Variants in NKX6-2 observed in about 807,000 individuals in gnomAD.
NKX6-2 encodes the protein NK6 homeobox 2.
NKX6-2 carries 22 observed loss-of-function variants against 19.9 expected under a neutral mutation model. The observed-to-expected ratio is 1.10, with a 90% CI of 0.79 to 1.58. The LOEUF is 1.58. Among genes scored for constraint, NKX6-2 ranks in the 40% most tolerant of loss-of-function variants. NKX6-2 has a pLI of 0.00. For missense variants in NKX6-2, 475 were observed against 410.6 expected (o/e 1.16, Z -1.35); for synonymous variants, 257 against 204.0 (o/e 1.26, Z -2.21).
rs1304254077 is a variant in NKX6-2 at position 132,783,815 on chromosome 10, C to T, written c.*1101G>A. On this transcript the variant is annotated 3_prime_UTR_variant, in exon 3 of 3. Coordinates refer to ENST00000368592, the MANE Select transcript of NKX6-2 (RefSeq NM_177400.3). ...AGCGTTGCTTCTGCCCTTCGAGTTGCTTCCTTGTAAAGAAGGCTGCTAAGA... is the reference window on the plus strand; with the variant it reads ...AGCGTTGCTTCTGCCCTTCGAGTTGTTTCCTTGTAAAGAAGGCTGCTAAGA... 1 of 152,244 alleles carries T rather than the reference C, an allele frequency of 6.6e-6. No individual in the cohort carries two copies. The highest frequency in any genetic ancestry group is 1.5e-5 in the Non-Finnish European group (1 of 68,038). The allele number at this position is 152,244 out of a possible 1,614,324, so 9.4% of individuals were successfully genotyped here.
In NKX6-2 at chr10:132,785,761, A is replaced by G; in HGVS notation, c.188T>C (p.Ile63Thr). 1 of 1,269,518 alleles carries G rather than the reference A, an allele frequency of 7.9e-7. No homozygotes were observed. The highest frequency in any genetic ancestry group is 9.9e-7 in the Non-Finnish European group (1 of 1,009,732). The allele number at this position is 1,269,518 out of a possible 1,614,324, so 78.6% of individuals were successfully genotyped here. ...CGCCGCGCCCACGGGCCGGCCCAGG[A>G]TGTCGCTGATGCCGTGCGGGGTCCC... is the stretch of plus-strand genomic sequence containing the variant. Reference protein sequence around the residue: ...PLGTPHGISDILGRPVGAAGG... With the variant: ...PLGTPHGISDTLGRPVGAAGG... The change falls in exon 1 of 3, where the codon ATC becomes ACC. Residue 63 changes from isoleucine to threonine, a missense_variant. By Grantham distance (89) the Ile-to-Thr change is moderately conservative. Transcript: ENST00000368592. This position sits in a 1 kb window ranked among gnomAD's most constrained non-coding sequence, Gnocchi z 5.5.
rs945709522 is a variant in NKX6-2, at chr10:132,783,669, T to C, written c.*1247A>G. 1 of 152,190 alleles carries C rather than the reference T, an allele frequency of 6.6e-6. No individual in the cohort carries two copies. The highest frequency in any genetic ancestry group is 2.4e-5 in the African/African-American group (1 of 41,430). The allele number at this position is 152,190 out of a possible 1,614,324, so 9.4% of individuals were successfully genotyped here. A position where few individuals can be genotyped will look rare whatever the true frequency, so the allele number is the denominator to read the frequency against. Reference sequence around the variant, plus strand: ...GAGGAGAAACACAGCCTTTTGGACTTTCTACTGTAATAAAGGATTTATCCC... The same window carrying C: ...GAGGAGAAACACAGCCTTTTGGACTCTCTACTGTAATAAAGGATTTATCCC... On this transcript the variant is annotated 3_prime_UTR_variant, in exon 3 of 3. Transcript: ENST00000368592.
chr10:132,784,017 G>T lies in NKX6-2; in HGVS notation c.*899C>A, dbSNP rs1847214782. 2.0e-5 allele frequency: 3 copies of T among 152,260 alleles called. No homozygotes were observed. 9.4% of individuals were successfully genotyped at this position (152,260 alleles called of 1,614,324 possible). ...GCGATGGGCAGCCCCGGCCACAGAG[G>T]CTGCGGGAGGCTGGAGGGGTTTTGT... On this transcript the variant is annotated 3_prime_UTR_variant, in exon 3 of 3. Coordinates refer to ENST00000368592, the MANE Select transcript of NKX6-2 (RefSeq NM_177400.3).
Position 132,785,381 on chromosome 10 carries a change from T to C in NKX6-2, c.478A>G (p.Ile160Val), listed in dbSNP as rs775333540. The C allele has an allele frequency of 6.2e-7, 1 of 1,604,878 alleles. No individual in the cohort carries two copies. The highest frequency in any genetic ancestry group is 8.5e-7 in the Non-Finnish European group (1 of 1,177,146). Residue 160 changes from isoleucine to valine, a missense_variant, in exon 2 of 3, where the codon ATC becomes GTC. Physicochemically the swap from Ile to Val is conservative, Grantham distance 29. Coordinates refer to ENST00000368592, the MANE Select transcript of NKX6-2 (RefSeq NM_177400.3). The surrounding 1 kb of genome is among the most constrained non-coding windows in gnomAD (Gnocchi z 5.5). ...TCGAAGGTTTTCTCCAGCGCGAAGA[T>C]CTGCTGGCCCGAGAAGGTCGGGCGC... is the stretch of plus-strand genomic sequence containing the variant. ...HSRPTFSGQQ[I>V]FALEKTFEQT...
In NKX6-2 at chr10:132,785,812, C is replaced by G; in HGVS notation, c.137G>C (p.Gly46Ala). The G allele has an allele frequency of 7.2e-7, 1 of 1,379,656 alleles. No homozygotes were observed. The highest frequency in any genetic ancestry group is 9.4e-7 in the Non-Finnish European group (1 of 1,063,460). The allele number at this position is 1,379,656 out of a possible 1,614,324, so 85.5% of individuals were successfully genotyped here. Reference protein sequence around the residue: ...GPAGFKAPALGGLGAQLPLGT... With the variant: ...GPAGFKAPALAGLGAQLPLGT... The stretch of plus-strand genomic sequence containing the variant: ...GAGCGGGAGCTGCGCGCCCAGGCCC[C>G]CCAGCGCGGGCGCCTTGAAGCCGGC... Residue 46 changes from glycine to alanine, a missense_variant, in exon 1 of 3, where the codon GGG becomes GCG. Gly to Ala is a moderately conservative substitution (Grantham distance 60). Coordinates refer to ENST00000368592, the MANE Select transcript of NKX6-2 (RefSeq NM_177400.3). This position sits in a 1 kb window ranked among gnomAD's most constrained non-coding sequence, Gnocchi z 5.5.
chr10:132,784,754 C>G lies in NKX6-2; in HGVS notation c.*162G>C, dbSNP rs1458960264. 7 of 632,190 alleles carry G rather than the reference C, an allele frequency of 1.1e-5. No individual in the cohort carries two copies. Among genetic ancestry groups the G allele is most frequent in the African/African-American group, 7.6e-5 (4 of 52,560 alleles). 39.2% of individuals were successfully genotyped at this position (632,190 alleles called of 1,614,324 possible). On this transcript the variant is annotated 3_prime_UTR_variant, in exon 3 of 3. Transcript: ENST00000368592. The stretch of plus-strand genomic sequence containing the variant: ...AGCCGGGGCCGGGGAGGGGCCGCCT[C>G]GCTCCGGGTTCGAGACGGAAGAAAC...
In NKX6-2 at chr10:132,785,893, AG is replaced by A; in HGVS notation, c.55del (p.Leu19CysfsTer7). The A allele has an allele frequency of 1.4e-6, 2 of 1,386,540 alleles. No homozygotes were observed. The highest frequency in any genetic ancestry group is 1.9e-6 in the Non-Finnish European group (2 of 1,044,738). The allele number at this position is 1,386,540 out of a possible 1,614,324, so 85.9% of individuals were successfully genotyped here. A position where few individuals can be genotyped will look rare whatever the true frequency, so the allele number is the denominator to read the frequency against. On this transcript the variant is annotated frameshift_variant, in exon 1 of 3. Transcript: ENST00000368592. LOFTEE classifies it high-confidence loss of function. The surrounding 1 kb of genome is among the most constrained non-coding windows in gnomAD (Gnocchi z 5.5). ...FVLSSAPLAA[L>X]HNMAEMKTSL... ...CGTCTTCATCTCGGCCATGTTGTGC[AG>A]CGCGGCCAGCGGGGCACTGCTCAGC... is the stretch of plus-strand genomic sequence containing the variant.
In NKX6-2 at chr10:132,784,695, G is replaced by A; in HGVS notation, c.*221C>T. The A allele has an allele frequency of 1.9e-6, 1 of 520,072 alleles. No homozygotes were observed. The highest frequency in any genetic ancestry group is 3.3e-6 in the Non-Finnish European group (1 of 299,874). 32.2% of individuals were successfully genotyped at this position (520,072 alleles called of 1,614,324 possible). A position where few individuals can be genotyped will look rare whatever the true frequency, so the allele number is the denominator to read the frequency against. On this transcript the variant is annotated 3_prime_UTR_variant, in exon 3 of 3. Transcript: ENST00000368592. ...CCGGGGCCCGCAGCCTCCGCACCGG[G>A]AACCCGGAGGACCCGAGGCGGGCGC...
Position 132,784,906 on chromosome 10 carries a change from C to T in NKX6-2, c.*10G>A, listed in dbSNP as rs1194913249. On this transcript the variant is annotated 3_prime_UTR_variant, in exon 3 of 3. Coordinates refer to ENST00000368592, the MANE Select transcript of NKX6-2 (RefSeq NM_177400.3). ...CTGCAAAAATAGATTCGCCCCCACCCCGCGGGTCCTCACAAGGCGTCCCCC... is the reference window on the plus strand; with the variant it reads ...CTGCAAAAATAGATTCGCCCCCACCTCGCGGGTCCTCACAAGGCGTCCCCC... 2 of 1,609,432 alleles carry T rather than the reference C, an allele frequency of 1.2e-6. No individual in the cohort carries two copies.
rs1049311444 is a variant in NKX6-2 at position 132,784,816 on chromosome 10, G to T, written c.*100C>A. 3.4e-6 allele frequency: 3 copies of T among 880,184 alleles called. No homozygotes were observed. Among genetic ancestry groups the T allele is most frequent in the African/African-American group, 1.7e-5 (1 of 59,656 alleles). 54.5% of individuals were successfully genotyped at this position (880,184 alleles called of 1,614,324 possible). A position where few individuals can be genotyped will look rare whatever the true frequency, so the allele number is the denominator to read the frequency against. ...GCTCCGGAGCGACGGCTCCGACGGGGACCCGTTAAATAATTTATTGATGAT... is the reference window on the plus strand; with the variant it reads ...GCTCCGGAGCGACGGCTCCGACGGGTACCCGTTAAATAATTTATTGATGAT... On this transcript the variant is annotated 3_prime_UTR_variant, in exon 3 of 3. Coordinates refer to ENST00000368592, the MANE Select transcript of NKX6-2 (RefSeq NM_177400.3).
Position 132,784,599 on chromosome 10 carries a change from C to A in NKX6-2, c.*317G>T. ...CCCCGGCTCCGTCCCGGGCTCCTGG[C>A]GGCTGTCGCTGCGGTTCCTTCCCGC... On this transcript the variant is annotated 3_prime_UTR_variant, in exon 3 of 3. Coordinates refer to ENST00000368592, the MANE Select transcript of NKX6-2 (RefSeq NM_177400.3). The A allele has an allele frequency of 3.4e-6, 1 of 294,064 alleles. No individual in the cohort carries two copies. 18.2% of individuals were successfully genotyped at this position (294,064 alleles called of 1,614,324 possible). A position where few individuals can be genotyped will look rare whatever the true frequency, so the allele number is the denominator to read the frequency against.
In NKX6-2 at chr10:132,785,041, C is replaced by A. The variant is rs747348604; in HGVS notation, c.709G>T (p.Glu237Ter). The change falls in exon 3 of 3, where the codon GAA becomes TAA. Residue 237 changes from glutamate to a stop codon, truncating the protein, a stop_gained. Transcript: ENST00000368592. LOFTEE classifies it high-confidence loss of function. This position sits in a 1 kb window ranked among gnomAD's most constrained non-coding sequence, Gnocchi z 5.5. ...VGGSDAEDDD[E>*]YNRPLDPNSD... Reference sequence around the variant, plus strand: ...TTGGGGTCCAGGGGCCGGTTGTATTCGTCGTCGTCCTCCGCGTCCGAGCCG... The same window carrying A: ...TTGGGGTCCAGGGGCCGGTTGTATTAGTCGTCGTCCTCCGCGTCCGAGCCG... 16 of 1,608,900 alleles carry A rather than the reference C, an allele frequency of 9.9e-6. No individual in the cohort carries two copies. The highest frequency in any genetic ancestry group is 5.0e-5 in the Admixed American group (3 of 60,022).
Position 132,785,292 on chromosome 10 carries a change from C to G in NKX6-2, c.567G>C (p.Glu189Asp). 5.0e-6 allele frequency: 8 copies of G among 1,605,824 alleles called. No individual in the cohort carries two copies. The highest frequency in any genetic ancestry group is 3.3e-5 in the South Asian group (3 of 90,408). ...ARLAYSLGMT[E>D]SQVKVWFQNR... ...CCGCCGCGCTCACCTTCACCTGGCT[C>G]TCGGTCATGCCCAGCGAGTAGGCGA... The change falls in exon 2 of 3, where the codon GAG becomes GAC. Residue 189 changes from glutamate to aspartate, a missense_variant. By Grantham distance (45) the Glu-to-Asp change is conservative (BLOSUM62 2). Coordinates refer to ENST00000368592, the MANE Select transcript of NKX6-2 (RefSeq NM_177400.3). This position sits in a 1 kb window ranked among gnomAD's most constrained non-coding sequence, Gnocchi z 5.5.
rs1356797524 is a variant in NKX6-2 at position 132,785,542 on chromosome 10, C to A, written c.406+1G>T. 22 of 1,366,312 alleles carry A rather than the reference C, an allele frequency of 1.6e-5. No individual in the cohort carries two copies. The highest frequency in any genetic ancestry group is 3.9e-5 in the Admixed American group (1 of 25,738). The allele number at this position is 1,366,312 out of a possible 1,614,324, so 84.6% of individuals were successfully genotyped here. On this transcript the variant is annotated splice_donor_variant, in intron 1 of 2. Transcript: ENST00000368592. LOFTEE classifies it high-confidence loss of function. The surrounding 1 kb of genome is among the most constrained non-coding windows in gnomAD (Gnocchi z 5.5). ...CCGCACCCCCCGCGCGGGCCACTCACCCGGGCCAGCCAGACGCGGGTCCCT... is the reference window on the plus strand; with the variant it reads ...CCGCACCCCCCGCGCGGGCCACTCAACCGGGCCAGCCAGACGCGGGTCCCT...
rs1274826705 is a variant in NKX6-2 at position 132,785,304 on chromosome 10, C to T, written c.555G>A (p.Leu185=). The part of the protein sequence containing the change: ...GPERARLAYS[L]GMTESQVKVW... ...CCTTCACCTGGCTCTCGGTCATGCCCAGCGAGTAGGCGAGACGCGCGCGCT... is the reference window on the plus strand; with the variant it reads ...CCTTCACCTGGCTCTCGGTCATGCCTAGCGAGTAGGCGAGACGCGCGCGCT... Residue 185 remains leucine (L), a synonymous_variant, in exon 2 of 3, where the codon CTG becomes CTA. Transcript: ENST00000368592. The surrounding 1 kb of genome is among the most constrained non-coding windows in gnomAD (Gnocchi z 5.5). The T allele has an allele frequency of 2.5e-6, 4 of 1,606,402 alleles. No homozygotes were observed. In the African/African-American group the frequency reaches 4.1e-5, roughly 16 times the overall value.
chr10:132,785,458 A>G lies in NKX6-2; in HGVS notation c.407-6T>C, dbSNP rs1156552499. Reference sequence around the variant, plus strand: ...CAGGACGCCGCCGGCCGGGGCTGCAAGGGAGGGGAAGGGAGGGAGGTCAGC... The same window carrying G: ...CAGGACGCCGCCGGCCGGGGCTGCAGGGGAGGGGAAGGGAGGGAGGTCAGC... On this transcript the variant is annotated splice_region_variant and splice_polypyrimidine_tract_variant and intron_variant, in intron 1 of 2. Transcript: ENST00000368592. The surrounding 1 kb of genome is among the most constrained non-coding windows in gnomAD (Gnocchi z 5.5). The G allele has an allele frequency of 1.7e-5, 27 of 1,546,234 alleles. No homozygotes were observed. Among genetic ancestry groups the G allele is most frequent in the Non-Finnish European group, 2.4e-5 (27 of 1,146,448 alleles).
Position 132,785,774 on chromosome 10 carries a change from C to T in NKX6-2, c.175G>A (p.Gly59Ser), listed in dbSNP as rs563679091. Reference protein sequence around the residue: ...GAQLPLGTPHGISDILGRPVG... With the variant: ...GAQLPLGTPHSISDILGRPVG... Reference sequence around the variant, plus strand: ...GGCCGGCCCAGGATGTCGCTGATGCCGTGCGGGGTCCCGAGCGGGAGCTGC... The same window carrying T: ...GGCCGGCCCAGGATGTCGCTGATGCTGTGCGGGGTCCCGAGCGGGAGCTGC... The change falls in exon 1 of 3, where the codon GGC becomes AGC. Residue 59 changes from glycine to serine, a missense_variant. Physicochemically the swap from Gly to Ser is moderately conservative, Grantham distance 56. Transcript: ENST00000368592. The surrounding 1 kb of genome is among the most constrained non-coding windows in gnomAD (Gnocchi z 5.5). 5.4e-5 allele frequency: 71 copies of T among 1,303,036 alleles called. No individual in the cohort carries two copies. The highest frequency in any genetic ancestry group is 6.5e-5 in the Non-Finnish European group (67 of 1,026,246). 80.7% of individuals were successfully genotyped at this position (1,303,036 alleles called of 1,614,324 possible).
rs1288582577 is a variant in NKX6-2, at chr10:132,785,363, T to G, written c.496A>C (p.Thr166Pro). The change falls in exon 2 of 3, where the codon ACC becomes CCC. Residue 166 changes from threonine (T) to proline (P), a missense_variant. Physicochemically the swap from Thr to Pro is conservative, Grantham distance 38. Transcript: ENST00000368592. The surrounding 1 kb of genome is among the most constrained non-coding windows in gnomAD (Gnocchi z 5.5). ...SGQQIFALEK[T>P]FEQTKYLAGP... ...GCCAGGTACTTGGTCTGCTCGAAGGTTTTCTCCAGCGCGAAGATCTGCTGG... is the reference window on the plus strand; with the variant it reads ...GCCAGGTACTTGGTCTGCTCGAAGGGTTTCTCCAGCGCGAAGATCTGCTGG... The G allele has an allele frequency of 6.2e-7, 1 of 1,605,096 alleles. No individual in the cohort carries two copies. Among genetic ancestry groups the G allele is most frequent in the Non-Finnish European group, 8.5e-7 (1 of 1,177,260 alleles).
Position 132,784,613 on chromosome 10 carries a change from G to A in NKX6-2, c.*303C>T, listed in dbSNP as rs1226146925. 2 of 328,328 alleles carry A rather than the reference G, an allele frequency of 6.1e-6. No homozygotes were observed. Among genetic ancestry groups the A allele is most frequent in the East Asian group, 6.0e-5 (1 of 16,556 alleles). The allele number at this position is 328,328 out of a possible 1,614,324, so 20.3% of individuals were successfully genotyped here. On this transcript the variant is annotated 3_prime_UTR_variant, in exon 3 of 3. Transcript: ENST00000368592. ...CGGGCTCCTGGCGGCTGTCGCTGCG[G>A]TTCCTTCCCGCGGGCCGGGCCCCTT... is the stretch of plus-strand genomic sequence containing the variant.
Sources: gnomAD v4.1 joint callset for allele counts on GRCh38, gnomAD v4.1.1 for gene constraint, Gnocchi (gnomAD v3.1) non-coding constraint, MANE v1.5 for transcripts, NCBI Gene and HGNC (gene_info 2026-07-23, HGNC 2026-07-21) for gene names.